The following NAV2 variants were observed in gnomAD, a reference collection of about 807,000 sequenced individuals.
NAV2 encodes the protein helicase, APC down-regulated 1.
NAV2 carries 54 observed loss-of-function variants against 223.2 expected under a neutral mutation model. The ratio of observed to expected loss-of-function variants is 0.24; its 90% CI spans 0.19 to 0.30. NAV2 has a LOEUF of 0.30. Ranked by LOEUF, NAV2 falls within the 10% of genes least tolerant of loss-of-function variation. The pLI is 1.00. For synonymous variants in NAV2, 1,279 were observed against 1,239.3 expected (o/e 1.03, Z -0.67); for missense variants, 2,806 against 3,147.5 (o/e 0.89, Z 2.60).
intron 1 of NAV2, among the ~76,000 whole-genome samples, chr11:19,588,865 A>G (rs1565078254): frequency 6.6e-6 from 1 of 152,212 alleles, no homozygotes; most frequent in African/African-American, 2.4e-5. Flanking sequence ...TAGAGGGGGA[A>G]AAAGAAGCCT....
chr11:19,536,557 T>C (rs1363520217), intron 1 of NAV2, among the ~76,000 whole-genome samples: 1 of 152,180 alleles, frequency 6.6e-6, no homozygotes, highest in Middle Eastern at 3.2e-3. Flanking sequence ...CCATTAAAGT[T>C]TGGAAAACAA....
chr11:19,471,993 C>T (rs1000870190), intron 1 of NAV2, among the ~76,000 whole-genome samples: 8 of 152,222 alleles, frequency 5.3e-5, no homozygotes, highest in African/African-American at 1.9e-4. Context: ...ATAACGTGTA[C>T]TTATCCCAAC....
At chr11:19,824,858 G>A (rs1457670912) in intron 1 of NAV2, among the ~76,000 whole-genome samples, 1 of 152,208 alleles carries the variant, frequency 6.6e-6, no homozygotes, top group Admixed American at 6.5e-5. Context: ...TCTTAAAATT[G>A]TGAACAATTG....
At chr11:19,388,007 C>T (rs894140296) in intron 1 of NAV2, among the ~76,000 whole-genome samples, 4 of 152,202 alleles carry the variant, frequency 2.6e-5, no homozygotes, top group Non-Finnish European at 5.9e-5. Context: ...TCCCCAAGAC[C>T]TCCAGAATTG....
chr11:19,905,955 TACTC>T (rs1225483386), intron 6 of NAV2, among the ~76,000 whole-genome samples: 3 of 152,286 alleles, frequency 2.0e-5, no homozygotes, highest in African/African-American at 4.8e-5. Flanking sequence ...GCAGGTGCCT[TACTC>T]ACCCCTATCT....
chr11:19,527,056 T>C (rs558407283), intron 1 of NAV2, among the ~76,000 whole-genome samples: 12 of 151,702 alleles, frequency 7.9e-5, no homozygotes, highest in Non-Finnish European at 1.8e-4. Context: ...ACCATCTCTA[T>C]TGTTTATCTC....
intron 1 of NAV2, among the ~76,000 whole-genome samples, chr11:19,510,681 T>A (rs958807081): frequency 6.6e-6 from 1 of 152,228 alleles, no homozygotes; most frequent in Non-Finnish European, 1.5e-5. Context: ...CTGTGTATTG[T>A]GGCAGGGCCA....
chr11:19,496,469 T>C (rs183814606), intron 1 of NAV2, among the ~76,000 whole-genome samples: 124 of 152,336 alleles, frequency 8.1e-4, no homozygotes, highest in African/African-American at 2.9e-3. Context: ...TAGTGCTGAT[T>C]GCAAGAGAAG....
chr11:19,498,419 C>G (rs1169090877), intron 1 of NAV2, among the ~76,000 whole-genome samples: 1 of 152,198 alleles, frequency 6.6e-6, no homozygotes, highest in Non-Finnish European at 1.5e-5. Flanking sequence ...CCTCAGTATG[C>G]TTTTCTTGAA....
chr11:19,646,376 A>G (rs906289093), intron 1 of NAV2, among the ~76,000 whole-genome samples: 1 of 152,238 alleles, frequency 6.6e-6, no homozygotes, highest in Admixed American at 6.5e-5. Context: ...TAATACAAAT[A>G]TTCTTAACTG....
intron 1 of NAV2, among the ~76,000 whole-genome samples, chr11:19,757,827 A>G (rs2152525675): frequency 6.6e-6 from 1 of 152,302 alleles, no homozygotes; most frequent in African/African-American, 2.4e-5. Flanking sequence ...AGATGAGGAA[A>G]CTGTGGCTTA....
At chr11:19,696,382 A>T (rs1048441302) in intron 1 of NAV2, among the ~76,000 whole-genome samples, 2 of 152,246 alleles carry the variant, frequency 1.3e-5, no homozygotes, top group Non-Finnish European at 2.9e-5. Context: ...ATCCTAGAGT[A>T]AATGTCCAAA....
chr11:19,614,682 G>A (rs1414887816), intron 1 of NAV2, among the ~76,000 whole-genome samples: 1 of 152,120 alleles, frequency 6.6e-6, no homozygotes, highest in Admixed American at 6.5e-5. Context: ...GAGGACAGAG[G>A]GACCCAGCTC....
intron 21 of NAV2, 53 bp from the exon 22 acceptor site, chr11:20,068,271 C>A (rs1198234357): frequency 1.9e-5 from 30 of 1,609,238 alleles, no homozygotes; most frequent in Non-Finnish European, 2.5e-5. Flanking sequence ...TGACCCTGCT[C>A]ACCTTGGAAA....
chr11:20,067,943 A>G (rs1226417363), intron 20 of NAV2, among the ~76,000 whole-genome samples: 1 of 152,124 alleles, frequency 6.6e-6, no homozygotes, highest in Non-Finnish European at 1.5e-5. Flanking sequence ...GTGGCTCCTC[A>G]CAACCAAAAT....
At chr11:19,601,423 T>C (rs1325564471) in intron 1 of NAV2, among the ~76,000 whole-genome samples, 1 of 152,188 alleles carries the variant, frequency 6.6e-6, no homozygotes, top group Non-Finnish European at 1.5e-5. Flanking sequence ...AGCCCTCTAC[T>C]TGGTCCTTTT....
intron 1 of NAV2, among the ~76,000 whole-genome samples, chr11:19,589,253 T>C (rs1590622430): frequency 6.6e-6 from 1 of 151,834 alleles, no homozygotes; most frequent in Non-Finnish European, 1.5e-5. Flanking sequence ...AACCAACCAA[T>C]CAAACGAACA....
At chr11:19,494,424 T>C (rs1329050745) in intron 1 of NAV2, among the ~76,000 whole-genome samples, 1 of 152,248 alleles carries the variant, frequency 6.6e-6, no homozygotes, top group Non-Finnish European at 1.5e-5. Context: ...CTAATGAATA[T>C]GTGCTCTTTG....
At chr11:19,848,311 G>A (rs2060918934) in intron 3 of NAV2, among the ~76,000 whole-genome samples, 1 of 152,186 alleles carries the variant, frequency 6.6e-6, no homozygotes, top group East Asian at 1.9e-4. Context: ...TATAAGTAGG[G>A]GTAGGTAGCC....
Sources: allele counts gnomAD v4.1 joint callset (sites outside exome capture counted in the v4.1 genomes callset), GRCh38; gene constraint gnomAD v4.1.1; transcripts MANE v1.5; gene names NCBI Gene and HGNC (gene_info 2026-07-23, HGNC 2026-07-21).